The following BRPF3 variants were observed in gnomAD, a reference collection of about 807,000 sequenced individuals.
BRPF3 encodes bromodomain and PHD finger containing 3.
In BRPF3, 18 loss-of-function variants were observed where a neutral mutation model predicts 102.0. The observed-to-expected ratio is 0.18, with a 90% CI of 0.12 to 0.26. BRPF3 has a LOEUF of 0.26. Ranked by LOEUF, BRPF3 falls within the 10% of genes least tolerant of loss-of-function variation. The pLI is 1.00. For synonymous variants in BRPF3, 570 were observed against 614.2 expected (o/e 0.93, Z 1.06); for missense variants, 1,147 against 1,567.8 (o/e 0.73, Z 4.53).
At chr6:36,219,194 G>T (rs140354084) in intron 9 of BRPF3, among the ~76,000 whole-genome samples, 1 of 152,236 alleles carries the variant, frequency 6.6e-6, no homozygotes, top group East Asian at 1.9e-4. Flanking sequence ...GGCTGAGGGG[G>T]TCCCCAGCTA....
In BRPF3 at chr6:36,214,513, G is replaced by A. The variant is rs566443998; in HGVS notation, c.2989+127G>A. 2.4e-4 allele frequency: 280 copies of A among 1,167,616 alleles called. 6 individuals carry two copies. The South Asian group carries it at 4.4e-3, about 18-fold the overall frequency. The allele number at this position is 1,167,616 out of a possible 1,614,324, so 72.3% of individuals were successfully genotyped here. A position where few individuals can be genotyped will look rare whatever the true frequency, so the allele number is the denominator to read the frequency against. On this transcript the variant is annotated intron_variant, in intron 8 of 12. Coordinates refer to ENST00000357641, the MANE Select transcript of BRPF3 (RefSeq NM_015695.3). ...TTGGACAGCAATAGTAGCATTGAGG[G>A]CACCATAGCTCACAGTTGGGCCTGG...
rs1369101200 is a variant in BRPF3 at position 36,232,753 on chromosome 6, AT to A, written c.*2148del. The A allele has an allele frequency of 6.6e-6, 1 of 152,468 alleles. No individual in the cohort carries two copies. The highest frequency in any genetic ancestry group is 1.5e-5 in the Non-Finnish European group (1 of 68,028). 9.4% of individuals were successfully genotyped at this position (152,468 alleles called of 1,614,324 possible). A position where few individuals can be genotyped will look rare whatever the true frequency, so the allele number is the denominator to read the frequency against. On this transcript the variant is annotated 3_prime_UTR_variant, in exon 13 of 13. Transcript: ENST00000357641. ...ACTATAATATGACTGTCTGAAACTTATTTTCTCTCTGAGAAATAAATGTTCT... is the reference window on the plus strand; with the variant it reads ...ACTATAATATGACTGTCTGAAACTTATTTCTCTCTGAGAAATAAATGTTCT...
chr6:36,204,805 C>T lies in BRPF3; in HGVS notation c.1596C>T (p.Asn532=), dbSNP rs779705162. 10 of 1,613,976 alleles carry T rather than the reference C, an allele frequency of 6.2e-6. No individual in the cohort carries two copies. The highest frequency in any genetic ancestry group is 2.7e-5 in the African/African-American group (2 of 75,038). ...RLHSHLQSQR[N]AEQREQDEKT... is the part of the protein sequence containing the mutation. ...ACTCCCATCTGCAGTCCCAAAGAAA[C>T]GCTGAGCAGGTAGGTGCAGTGGTGA... The change falls in exon 3 of 13, where the codon AAC becomes AAT. Residue 532 remains asparagine (N), a synonymous_variant. Transcript: ENST00000357641.
At chr6:36,227,946 A>T (rs1731166479) in intron 11 of BRPF3, among the ~76,000 whole-genome samples, 1 of 152,200 alleles carries the variant, frequency 6.6e-6, no homozygotes, top group South Asian at 2.1e-4. Context: ...TATAGGAAGT[A>T]AGATTGCTCT....
At chr6:36,224,527 G>A (rs143387197) in intron 10 of BRPF3, among the ~76,000 whole-genome samples, 6 of 152,210 alleles carry the variant, frequency 3.9e-5, no homozygotes, top group African/African-American at 9.7e-5. Flanking sequence ...GCTGAGTGCC[G>A]TGCATCCAGG....
chr6:36,209,778 TC>T lies in BRPF3; in HGVS notation c.1738-5del. ...GTTCTGATCTGATCTCACCCCACCT[TC>T]CCCACAGGTCAAAGTCCAGCAGGCT... On this transcript the variant is annotated splice_region_variant and splice_polypyrimidine_tract_variant and intron_variant, in intron 4 of 12. Transcript: ENST00000357641. 6.2e-7 allele frequency: 1 copy of T among 1,613,532 alleles called. No individual in the cohort carries two copies. The highest frequency in any genetic ancestry group is 8.5e-7 in the Non-Finnish European group (1 of 1,179,666).
At chr6:36,202,147 C>G (rs891089685) in intron 2 of BRPF3, among the ~76,000 whole-genome samples, 3 of 152,138 alleles carry the variant, frequency 2.0e-5, no homozygotes, top group African/African-American at 7.2e-5. Flanking sequence ...CCAGTCGCAT[C>G]CCCTCCCCCA....
chr6:36,228,506 G>T (rs1015429942), intron 11 of BRPF3, among the ~76,000 whole-genome samples: 1 of 152,158 alleles, frequency 6.6e-6, no homozygotes, highest in Non-Finnish European at 1.5e-5. Flanking sequence ...ATCTTACCAT[G>T]GAGGTGTCAC....
At chr6:36,220,309 C>T (rs982441754) in intron 9 of BRPF3, among the ~76,000 whole-genome samples, 3 of 152,194 alleles carry the variant, frequency 2.0e-5, no homozygotes, top group Non-Finnish European at 4.4e-5. Flanking sequence ...AATTTACTAT[C>T]CTTCGTATGA....
rs773339601 is a variant in BRPF3 at position 36,200,470 on chromosome 6, C to T, written c.148C>T (p.His50Tyr). 1 of 1,614,258 alleles carries T rather than the reference C, an allele frequency of 6.2e-7. No homozygotes were observed. The highest frequency in any genetic ancestry group is 1.1e-5 in the South Asian group (1 of 91,090). ...CGAGGTAGACATTGATGGACGCCTG[C>T]ATCGTATCAGCATCTATGACCCACT... ...IVEVDIDGRL[H>Y]RISIYDPLKI... Residue 50 changes from histidine to tyrosine, a missense_variant, in exon 2 of 13, where the codon CAT becomes TAT. By Grantham distance (83) the His-to-Tyr change is moderately conservative. This residue lies in a region of BRPF3 where 221 missense variants were observed against 337.1 expected (regional missense o/e 0.66). Transcript: ENST00000357641. This position sits in a 1 kb window ranked among gnomAD's most constrained non-coding sequence, Gnocchi z 5.3.
At chr6:36,228,829 G>A (rs1207351223) in intron 11 of BRPF3, 73 bp from the exon 12 acceptor site, 1 of 1,563,118 alleles carries the variant, frequency 6.4e-7, no homozygotes. Flanking sequence ...TGCTTCAGCA[G>A]TTGGTCCTGC....
intron 11 of BRPF3, among the ~76,000 whole-genome samples, chr6:36,227,520 A>C (rs1768782767): frequency 6.6e-6 from 1 of 152,216 alleles, no homozygotes; most frequent in South Asian, 2.1e-4. Flanking sequence ...AGCTGTCCTC[A>C]GTTGGCAGAC....
chr6:36,216,380 AG>A (rs1243177084), intron 8 of BRPF3, among the ~76,000 whole-genome samples: 1 of 152,222 alleles, frequency 6.6e-6, no homozygotes, highest in Admixed American at 6.5e-5. Context: ...ATCCAACCTG[AG>A]GGGGCCTGTT....
intron 7 of BRPF3, among the ~76,000 whole-genome samples, 185 bp downstream of exon 7, chr6:36,211,745 C>CT (rs1423276776): frequency 6.6e-6 from 1 of 152,208 alleles, no homozygotes; most frequent in African/African-American, 2.4e-5. Flanking sequence ...TTAACAATCA[C>CT]TAGAGACTAA....
At chr6:36,211,581 G>A (rs1451231343) in intron 7 of BRPF3, 21 bp downstream of exon 7, 3 of 1,547,340 alleles carry the variant, frequency 1.9e-6, no homozygotes, top group Non-Finnish European at 2.6e-6. Flanking sequence ...GTCACAGGCA[G>A]GCAGGGGGTT....
Position 36,210,168 on chromosome 6 carries a change from T to C in BRPF3, c.1867-48T>C. ...AGAGTATTGGTGAAGGGTGTGTCTG[T>C]TTGGCTAGTAAATGGTTGTTGTAAT... On this transcript the variant is annotated intron_variant, in intron 5 of 12. Transcript: ENST00000357641. The surrounding 1 kb of genome is among the most constrained non-coding windows in gnomAD (Gnocchi z 4.7). 6.3e-7 allele frequency: 1 copy of C among 1,598,706 alleles called. No homozygotes were observed. The highest frequency in any genetic ancestry group is 8.6e-7 in the Non-Finnish European group (1 of 1,166,284).
intron 9 of BRPF3, among the ~76,000 whole-genome samples, chr6:36,219,669 G>A (rs1032531783): frequency 6.6e-6 from 1 of 152,182 alleles, no homozygotes; most frequent in African/African-American, 2.4e-5. Context: ...GGGGCCCCTT[G>A]GAGGAAGTAT....
intron 2 of BRPF3, among the ~76,000 whole-genome samples, chr6:36,202,104 C>T (rs994032087): frequency 2.0e-5 from 3 of 152,164 alleles, no homozygotes; most frequent in African/African-American, 7.2e-5. Flanking sequence ...CTGTACATTT[C>T]TAGATGTTTA....
At chr6:36,204,961 C>T in intron 3 of BRPF3, 147 bp downstream of exon 3, 1 of 989,860 alleles carries the variant, frequency 1.0e-6, no homozygotes, top group East Asian at 2.5e-5. Flanking sequence ...AGGAACAACC[C>T]CCAGCACTAC....
Sources: gnomAD v4.1 joint callset for allele counts (sites outside exome capture counted in the v4.1 genomes callset) on GRCh38, gnomAD v4.1.1 for gene constraint, gnomAD v4.1.1 regional missense constraint, Gnocchi (gnomAD v3.1) non-coding constraint, MANE v1.5 for transcripts, NCBI Gene and HGNC (gene_info 2026-07-23, HGNC 2026-07-21) for gene names.